The following RAG1 variants were observed in gnomAD, a reference collection of about 807,000 sequenced individuals.
RAG1 encodes the protein V(D)J recombination-activating protein 1.
In RAG1, 35 loss-of-function variants were observed where a neutral mutation model predicts 62.7. That is an observed-to-expected ratio of 0.56 (90% CI 0.43 to 0.74). The LOEUF (loss-of-function observed/expected upper bound fraction) is 0.74. Among genes scored for constraint, RAG1 ranks in the 30% least tolerant of loss-of-function variants. RAG1 has a pLI of 0.00. For synonymous variants in RAG1, 461 were observed against 470.3 expected (o/e 0.98, Z 0.26); for missense variants, 1,169 against 1,278.6 (o/e 0.91, Z 1.31).
chr11:36,573,991 C>T lies in RAG1; in HGVS notation c.687C>T (p.Asn229=). 1.2e-6 allele frequency: 2 copies of T among 1,614,190 alleles called. No homozygotes were observed. The highest frequency in any genetic ancestry group is 1.7e-6 in the Non-Finnish European group (2 of 1,180,032). ...RGLKRKSLQP[N]LQLSKKLKTV... is the part of the protein sequence containing the mutation. ...TCAAGAGGAAGAGTCTTCAGCCAAA[C>T]TTGCAGCTCAGCAAAAAACTCAAAA... Residue 229 remains asparagine (N), a synonymous_variant, in exon 2 of 2, where the codon AAC becomes AAT. Transcript: ENST00000299440.
At chr11:36,559,606 A>T (rs570864425) in intron 3 of RAG1, among the ~76,000 whole-genome samples, 2 of 151,856 alleles carry the variant, frequency 1.3e-5, no homozygotes, top group African/African-American at 2.4e-5. Flanking sequence ...ATTTCAAAAG[A>T]CTTGTTTTCA....
At chr11:36,567,617 G>A (rs189163766), upstream of RAG1, among the ~76,000 whole-genome samples, 10 of 152,296 alleles carry the variant, frequency 6.6e-5, no homozygotes, top group African/African-American at 2.4e-4. Context: ...GGCAGACATC[G>A]TTTCAAGTAT....
Position 36,576,636 on chromosome 11 carries a change from C to T in RAG1, c.*200C>T, listed in dbSNP as rs886048256. ...ATTGCTTGAGGCTTTTAGTGAGTTC[C>T]GAAAAGCAACAGGAAAAATCAGTTA... On this transcript the variant is annotated 3_prime_UTR_variant, in exon 2 of 2. Coordinates refer to ENST00000299440, the MANE Select transcript of RAG1 (RefSeq NM_000448.3). 2.7e-5 allele frequency: 17 copies of T among 638,412 alleles called. 1 individual carries two copies. The highest frequency in any genetic ancestry group is 1.4e-4 in the South Asian group (7 of 50,388). 39.5% of individuals were successfully genotyped at this position (638,412 alleles called of 1,614,324 possible).
At chr11:36,540,695 C>T (rs550611398), downstream of RAG1, among the ~76,000 whole-genome samples, 30 of 152,306 alleles carry the variant, frequency 2.0e-4, 1 homozygote, top group South Asian at 6.0e-3. Flanking sequence ...CGTGAGCCAA[C>T]GCGTCTGGCC....
chr11:36,512,200 G>C (rs751274054), intron 1 of RAG1, among the ~76,000 whole-genome samples: 3 of 152,182 alleles, frequency 2.0e-5, no homozygotes, highest in Non-Finnish European at 2.9e-5. Context: ...TGTGAGCTAT[G>C]ACGAGAAGGA....
At chr11:36,512,944 A>G (rs1051466891) in intron 1 of RAG1, among the ~76,000 whole-genome samples, 1 of 152,210 alleles carries the variant, frequency 6.6e-6, no homozygotes, top group East Asian at 1.9e-4. Context: ...CATGCGTTGG[A>G]AACTTGATCC....
At position 36,524,340 on chromosome 11, in the gene RAG1, T is replaced by TAA. The variant is rs35649031; in HGVS notation, n.428+4122_428+4123dup. On this transcript the variant is annotated intron_variant and non_coding_transcript_variant, in intron 2 of 2. Coordinates refer to the RAG1 transcript ENST00000529126. ...ATGTACCCTAGAACTTAAAGTATAA[T>TAA]AAAAAAAAAAAAGAAAAGAAAAGAA... Among the ~76,000 whole-genome samples, 379 of 143,870 alleles carry TAA rather than the reference T, an allele frequency of 2.6e-3. 1 individual carries two copies. Among genetic ancestry groups the TAA allele is most frequent in the East Asian group, 5.6e-3 (28 of 5,008 alleles). The allele number at this position is 143,870 out of a possible 152,430, so 94.4% of individuals were successfully genotyped here.
intron 3 of RAG1, among the ~76,000 whole-genome samples, chr11:36,549,812 A>G (rs1048256640): frequency 6.6e-6 from 1 of 152,220 alleles, no homozygotes; most frequent in Non-Finnish European, 1.5e-5. Context: ...AGACACATGC[A>G]CATGTATGTT....
At position 36,579,127 on chromosome 11, in the gene RAG1, G is replaced by A. The variant is rs1850896434; in HGVS notation, c.*2691G>A. On this transcript the variant is annotated 3_prime_UTR_variant, in exon 2 of 2. Coordinates refer to ENST00000299440, the MANE Select transcript of RAG1 (RefSeq NM_000448.3). ...TCCAGGTGAACTGGAATTTAGTTTT[G>A]CCTCAGATTTTTTTCCCACAAGATA... 1.2e-5 allele frequency: 2 copies of A among 165,930 alleles called. No homozygotes were observed. Among genetic ancestry groups the A allele is most frequent in the Admixed American group, 1.3e-4 (2 of 15,168 alleles). 10.3% of individuals were successfully genotyped at this position (165,930 alleles called of 1,614,324 possible).
rs1236055109 is a variant in RAG1 at position 36,574,792 on chromosome 11, G to C, written c.1488G>C (p.Gly496=). 6.2e-7 allele frequency: 1 copy of C among 1,614,096 alleles called. No individual in the cohort carries two copies. The highest frequency in any genetic ancestry group is 8.5e-7 in the Non-Finnish European group (1 of 1,180,048). The part of the protein sequence containing the change: ...KMYRTVKAIT[G]RQIFQPLHAL... ...ACAGGACTGTGAAAGCCATCACAGG[G>C]AGACAGATTTTTCAGCCTTTGCATG... Residue 496 remains glycine (G), a synonymous_variant, in exon 2 of 2, where the codon GGG becomes GGC. Transcript: ENST00000299440.
At chr11:36,520,780 A>C (rs568833137) in intron 2 of RAG1, among the ~76,000 whole-genome samples, 2 of 152,290 alleles carry the variant, frequency 1.3e-5, no homozygotes, top group South Asian at 4.2e-4. Flanking sequence ...TAACTCTTAA[A>C]ATATGGGACA....
In RAG1 at chr11:36,578,375, G is replaced by T. The variant is rs1403528106; in HGVS notation, c.*1939G>T. ...ACATTAGTTTTTTTGAAAACTCTTGGTTTTGTTTTTTTGGAAATGAGTGGG... is the reference window on the plus strand; with the variant it reads ...ACATTAGTTTTTTTGAAAACTCTTGTTTTTGTTTTTTTGGAAATGAGTGGG... On this transcript the variant is annotated 3_prime_UTR_variant, in exon 2 of 2. Coordinates refer to ENST00000299440, the MANE Select transcript of RAG1 (RefSeq NM_000448.3). 1.2e-5 allele frequency: 2 copies of T among 166,430 alleles called. No homozygotes were observed. Among genetic ancestry groups the T allele is most frequent in the African/African-American group, 2.4e-5 (1 of 41,410 alleles). 10.3% of individuals were successfully genotyped at this position (166,430 alleles called of 1,614,324 possible). A position where few individuals can be genotyped will look rare whatever the true frequency, so the allele number is the denominator to read the frequency against.
At chr11:36,523,592 C>T (rs542982833) in intron 2 of RAG1, among the ~76,000 whole-genome samples, 4 of 152,266 alleles carry the variant, frequency 2.6e-5, no homozygotes, top group African/African-American at 9.6e-5. Context: ...ACTTAACTTA[C>T]ATAATAAACA....
intron 3 of RAG1, among the ~76,000 whole-genome samples, chr11:36,557,477 G>A (rs1850520086): frequency 6.8e-6 from 1 of 146,920 alleles, no homozygotes; most frequent in South Asian, 2.1e-4. Context: ...GCTCGCGCAC[G>A]GTGCGCGCAC....
chr11:36,560,035 G>A (rs1189776715), intron 3 of RAG1, among the ~76,000 whole-genome samples: 1 of 152,192 alleles, frequency 6.6e-6, no homozygotes, highest in Non-Finnish European at 1.5e-5. Flanking sequence ...TTTCGTGTGA[G>A]TCTGTCCTAT....
At chr11:36,514,346 G>A (rs192836395) in intron 1 of RAG1, among the ~76,000 whole-genome samples, 1 of 152,204 alleles carries the variant, frequency 6.6e-6, no homozygotes, top group Non-Finnish European at 1.5e-5. Flanking sequence ...AATAGAATGT[G>A]TTAGGCACTG....
downstream of RAG1, among the ~76,000 whole-genome samples, chr11:36,540,562 G>A (rs61877432): frequency 0.15 from 23,024 of 151,988 alleles, 1,850 homozygotes; most frequent in Admixed American, 0.2. Flanking sequence ...CCGCCACCAC[G>A]CATGGCTAAT....
chr11:36,559,573 C>T (rs1850553038), intron 3 of RAG1, among the ~76,000 whole-genome samples: 1 of 152,020 alleles, frequency 6.6e-6, no homozygotes, highest in African/African-American at 2.4e-5. Flanking sequence ...TACTCTCGCT[C>T]TCTCTTTTTG....
At position 36,575,917 on chromosome 11, in the gene RAG1, GT is replaced by G. The variant is rs1195836361; in HGVS notation, c.2615del (p.Leu872Ter). On this transcript the variant is annotated frameshift_variant, in exon 2 of 2. Transcript: ENST00000299440. LOFTEE classifies it high-confidence loss of function. This position sits in a 1 kb window ranked among gnomAD's most constrained non-coding sequence, Gnocchi z 4.1. ...TKETVDAVCELIPSEERHEAL... is the reference protein window; with the variant it reads ...TKETVDAVCEXIPSEERHEAL... ...AAGAGACTGTGGATGCAGTTTGTGA[GT>G]TAATTCCTTCCGAGGAGAGGCACGA... 3.1e-6 allele frequency: 5 copies of G among 1,614,170 alleles called. No individual in the cohort carries two copies.
Sources: allele counts gnomAD v4.1 joint callset (sites outside exome capture counted in the v4.1 genomes callset), GRCh38; gene constraint gnomAD v4.1.1; non-coding constraint Gnocchi (gnomAD v3.1); transcripts MANE v1.5; gene names NCBI Gene and HGNC (gene_info 2026-07-23, HGNC 2026-07-21).